SEMA3E: variants seen among roughly 807,000 people sequenced by gnomAD.
The protein encoded by SEMA3E is semaphorin 3E.
Under a neutral mutation model 93.6 loss-of-function variants are expected in SEMA3E, and 49 were observed. The ratio of observed to expected loss-of-function variants is 0.52; its 90% CI spans 0.42 to 0.66. SEMA3E has a LOEUF of 0.66. Ranked by LOEUF, SEMA3E falls within the 30% of genes least tolerant of loss-of-function variation. SEMA3E has a pLI of 0.00. For missense variants in SEMA3E, 906 were observed against 964.8 expected, an observed-to-expected ratio of 0.94 and a Z score of 0.81; for synonymous variants, 363 against 330.7, an observed-to-expected ratio of 1.10 and a Z score of -1.06.
chr7:83,406,323 A>G (rs1161323940), intron 7 of SEMA3E, among the ~76,000 whole-genome samples: 1 of 152,018 alleles, frequency 6.6e-6, no homozygotes, highest in Non-Finnish European at 1.5e-5. Flanking sequence ...CAATATTAAT[A>G]CTGCAAACTC....
intron 4 of SEMA3E, among the ~76,000 whole-genome samples, chr7:83,422,663 C>T (rs1452623791): frequency 6.6e-6 from 1 of 152,140 alleles, no homozygotes; most frequent in African/African-American, 2.4e-5. Flanking sequence ...CAAAAATCAA[C>T]GTTTTCTGTA....
At chr7:83,456,916 G>A (rs1267306574) in intron 4 of SEMA3E, among the ~76,000 whole-genome samples, 3 of 152,086 alleles carry the variant, frequency 2.0e-5, no homozygotes, top group Non-Finnish European at 2.9e-5. Context: ...GCCTAGCCAC[G>A]ACTCTATTTC....
chr7:83,646,251 C>G (rs1794078393), intron 1 of SEMA3E, among the ~76,000 whole-genome samples: 1 of 152,108 alleles, frequency 6.6e-6, no homozygotes, highest in Non-Finnish European at 1.5e-5. Flanking sequence ...AAAGATTAAT[C>G]TGTAATATCT....
In SEMA3E at chr7:83,514,706, C is replaced by T. The variant is rs542637188; in HGVS notation, c.116-24432G>A. Among the ~76,000 whole-genome samples the T allele has an allele frequency of 3.3e-5, 5 of 152,110 alleles. No homozygotes were observed. In the South Asian group the frequency reaches 8.3e-4, roughly 25 times the overall value. ...AAATTGCAGAAGGAGAAAAACATCC[C>T]TATTCTTATTCTAAAGGGGAAAAAA... On this transcript the variant is annotated intron_variant, in intron 1 of 16. Transcript: ENST00000643230.
intron 1 of SEMA3E, among the ~76,000 whole-genome samples, chr7:83,647,083 A>G (rs2115728750): frequency 6.6e-6 from 1 of 152,256 alleles, no homozygotes; most frequent in Non-Finnish European, 1.5e-5. Flanking sequence ...TTCCCAAGTT[A>G]AAAGATTAGT....
intron 1 of SEMA3E, among the ~76,000 whole-genome samples, chr7:83,601,443 T>TA (rs1792995795): frequency 6.6e-6 from 1 of 152,026 alleles, no homozygotes; most frequent in Non-Finnish European, 1.5e-5. Context: ...TTTTTTTTTT[T>TA]ATCATTCTTA....
chr7:83,459,195 T>A, intron 4 of SEMA3E, among the ~76,000 whole-genome samples: 1 of 151,808 alleles, frequency 6.6e-6, no homozygotes, highest in South Asian at 2.1e-4. Flanking sequence ...GACAAAATCT[T>A]AAAAGATAAA....
intron 1 of SEMA3E, among the ~76,000 whole-genome samples, chr7:83,499,726 C>G (rs1790559012): frequency 6.6e-6 from 1 of 152,112 alleles, no homozygotes; most frequent in Admixed American, 6.6e-5. Context: ...TTATCTCATG[C>G]AGCCTCCTCT....
chr7:83,492,650 G>A lies in SEMA3E; in HGVS notation c.116-2376C>T, dbSNP rs530971160. ...TTTGGAGAAAGCAGAGGGAAAGAACGGAAGTGTGCATACAACAAATGCAAA... is the reference window on the plus strand; with the variant it reads ...TTTGGAGAAAGCAGAGGGAAAGAACAGAAGTGTGCATACAACAAATGCAAA... On this transcript the variant is annotated intron_variant, in intron 1 of 16. Transcript: ENST00000643230. Among the ~76,000 whole-genome samples the A allele has an allele frequency of 2.4e-4, 36 of 151,860 alleles. No homozygotes were observed. In the South Asian group the frequency reaches 7.1e-3, roughly 30 times the overall value.
intron 1 of SEMA3E, among the ~76,000 whole-genome samples, chr7:83,518,540 C>T (rs905762598): frequency 6.6e-6 from 1 of 152,132 alleles, no homozygotes; most frequent in Non-Finnish European, 1.5e-5. Context: ...CTAGGCAAAT[C>T]ACTTAAACTT....
At chr7:83,623,943 C>A (rs1168321017) in intron 1 of SEMA3E, among the ~76,000 whole-genome samples, 2 of 134,830 alleles carry the variant, frequency 1.5e-5, no homozygotes, top group Non-Finnish European at 3.1e-5. Flanking sequence ...TCTCATTGTT[C>A]AACTCCCACT....
At chr7:83,423,100 C>G (rs1475885609) in intron 4 of SEMA3E, among the ~76,000 whole-genome samples, 1 of 152,142 alleles carries the variant, frequency 6.6e-6, no homozygotes, top group African/African-American at 2.4e-5. Context: ...ACAATATGCA[C>G]CAAGAAACCT....
At chr7:83,378,706 C>T (rs950658319) in intron 16 of SEMA3E, among the ~76,000 whole-genome samples, 1 of 151,914 alleles carries the variant, frequency 6.6e-6, no homozygotes, top group African/African-American at 2.4e-5. Flanking sequence ...GGTTTTATTA[C>T]ACCACACCCT....
intron 16 of SEMA3E, among the ~76,000 whole-genome samples, chr7:83,384,815 A>G (rs1787847066): frequency 6.6e-6 from 1 of 152,012 alleles, no homozygotes; most frequent in Non-Finnish European, 1.5e-5. Flanking sequence ...TCTCATATAT[A>G]ATTGAAAAAT....
intron 1 of SEMA3E, among the ~76,000 whole-genome samples, chr7:83,578,587 A>G (rs996067946): frequency 6.6e-6 from 1 of 152,156 alleles, no homozygotes; most frequent in African/African-American, 2.4e-5. Context: ...AATTTGGTCT[A>G]TTAAAAGGCA....
intron 1 of SEMA3E, among the ~76,000 whole-genome samples, chr7:83,633,362 T>A (rs772204931): frequency 1.3e-5 from 2 of 152,178 alleles, no homozygotes; most frequent in Admixed American, 6.5e-5. Flanking sequence ...CCTCCTTTAG[T>A]CAGAGAAAGG....
chr7:83,512,566 A>T (rs1790846776), intron 1 of SEMA3E, among the ~76,000 whole-genome samples: 2 of 152,234 alleles, frequency 1.3e-5, no homozygotes, highest in African/African-American at 4.8e-5. Flanking sequence ...GAAACAGAAA[A>T]AAAAGTCAGA....
chr7:83,413,473 A>C (rs1450131401), intron 5 of SEMA3E, among the ~76,000 whole-genome samples: 1 of 152,316 alleles, frequency 6.6e-6, no homozygotes, highest in East Asian at 1.9e-4. Flanking sequence ...TTAGAACATT[A>C]TTCTATTGTG....
chr7:83,405,360 AGTCTTT>A, intron 9 of SEMA3E, 84 bp downstream of exon 9: 3 of 915,430 alleles, frequency 3.3e-6, no homozygotes, highest in South Asian at 2.7e-5. Flanking sequence ...CTGGGTCAAT[AGTCTTT>A]CAACTTATAT....
Sources: allele counts gnomAD v4.1 joint callset (sites outside exome capture counted in the v4.1 genomes callset), GRCh38; gene constraint gnomAD v4.1.1; transcripts MANE v1.5; gene names NCBI Gene and HGNC (gene_info 2026-07-23, HGNC 2026-07-21).